The following DIAPH3 variants were observed in gnomAD, a reference collection of about 807,000 sequenced individuals.
The protein encoded by DIAPH3 is protein diaphanous homolog 3.
DIAPH3 carries 117 observed loss-of-function variants against 144.3 expected under a neutral mutation model. The observed-to-expected ratio is 0.81, with a 90% CI of 0.70 to 0.95. The LOEUF is 0.95. Ranked by LOEUF, DIAPH3 falls within the 40% of genes least tolerant of loss-of-function variation. The probability of loss-of-function intolerance (pLI) is 0.00; values close to 1 mark genes in which losing one functional copy is unlikely to be tolerated. For synonymous variants in DIAPH3, 519 were observed against 488.9 expected, an observed-to-expected ratio of 1.06 and a Z score of -0.81; for missense variants, 1,421 against 1,412.7, an observed-to-expected ratio of 1.01 and a Z score of -0.09.
At chr13:60,036,450 T>G (rs1186623575) in intron 5 of DIAPH3, among the ~76,000 whole-genome samples, 1 of 151,866 alleles carries the variant, frequency 6.6e-6, no homozygotes, top group East Asian at 1.9e-4. Context: ...TTTAGTTAAC[T>G]AAATTTAAAT....
rs776548088 is a variant in DIAPH3, at chr13:59,974,334, C to G, written c.1650+18G>C. ...ACTGTGTTTTTAATACCCAAATTCA[C>G]TCAGAGTGGAATTTTACCTGAGACT... On this transcript the variant is annotated intron_variant, in intron 15 of 27. Coordinates refer to ENST00000400324, the MANE Select transcript of DIAPH3 (RefSeq NM_001042517.2). The G allele has an allele frequency of 6.3e-7, 1 of 1,594,886 alleles. No homozygotes were observed. Among genetic ancestry groups the G allele is most frequent in the African/African-American group, 1.3e-5 (1 of 74,420 alleles).
intron 1 of DIAPH3, among the ~76,000 whole-genome samples, chr13:60,134,998 T>C (rs374708868): frequency 5.9e-5 from 9 of 152,028 alleles, no homozygotes. Flanking sequence ...GCAAGATTTA[T>C]GATCTAAAAA....
At chr13:59,956,871 T>G (rs1034548254) in intron 17 of DIAPH3, among the ~76,000 whole-genome samples, 2 of 152,204 alleles carry the variant, frequency 1.3e-5, no homozygotes, top group Non-Finnish European at 2.9e-5. Flanking sequence ...ATGTGAGACA[T>G]GGAGTCAAAG....
rs372642427 is a variant in DIAPH3 at position 59,870,423 on chromosome 13, GTTC to G, written c.2607+8803_2607+8805del. On this transcript the variant is annotated intron_variant, in intron 21 of 27. Transcript: ENST00000400324. Reference sequence around the variant, plus strand: ...CAGGGAGTGTCAGATTTCCAACTTAGTTCTTCTTCTTCAGTATTGTGTTAGCTA... The same window carrying G: ...CAGGGAGTGTCAGATTTCCAACTTAGTTCTTCTTCAGTATTGTGTTAGCTA... 3.2e-3 allele frequency among the ~76,000 whole-genome samples: 487 copies of G among 151,848 alleles called. 3 individuals are homozygous for G. The highest frequency in any genetic ancestry group is 0.011 in the African/African-American group (464 of 41,400).
intron 24 of DIAPH3, among the ~76,000 whole-genome samples, chr13:59,821,431 A>C (rs978461031): frequency 6.6e-6 from 1 of 152,086 alleles, no homozygotes; most frequent in African/African-American, 2.4e-5. Context: ...ATTTGGAAAA[A>C]ATCCTTAAAA....
chr13:59,984,163 G>T (rs1196803562), intron 12 of DIAPH3, among the ~76,000 whole-genome samples: 1 of 151,572 alleles, frequency 6.6e-6, no homozygotes, highest in South Asian at 2.1e-4. Flanking sequence ...AAGTAAATTA[G>T]CTGAAAGTGA....
At chr13:59,708,731 A>G (rs1005646337) in intron 27 of DIAPH3, among the ~76,000 whole-genome samples, 1 of 152,020 alleles carries the variant, frequency 6.6e-6, no homozygotes, top group Admixed American at 6.6e-5. Context: ...TTTAAATACC[A>G]TTTACCTACT....
intron 27 of DIAPH3, among the ~76,000 whole-genome samples, chr13:59,755,015 A>G (rs1317984687): frequency 6.6e-6 from 1 of 152,222 alleles, no homozygotes; most frequent in Non-Finnish European, 1.5e-5. Flanking sequence ...CTATACAGGT[A>G]TAGTAAAGAT....
intron 4 of DIAPH3, among the ~76,000 whole-genome samples, chr13:60,082,519 G>C (rs2057594551): frequency 6.6e-6 from 1 of 150,612 alleles, no homozygotes; most frequent in Non-Finnish European, 1.5e-5. Context: ...CTGACCTTTT[G>C]ACAACAATGC....
At chr13:59,854,162 C>A (rs2043133678) in intron 22 of DIAPH3, among the ~76,000 whole-genome samples, 1 of 151,944 alleles carries the variant, frequency 6.6e-6, no homozygotes, top group African/African-American at 2.4e-5. Context: ...TGGAGTGATG[C>A]ATCTACAAGC....
chr13:60,090,139 T>A (rs1360848367), intron 4 of DIAPH3, among the ~76,000 whole-genome samples: 1 of 152,144 alleles, frequency 6.6e-6, no homozygotes, highest in Admixed American at 6.5e-5. Flanking sequence ...GAAACCTTTC[T>A]CAAAAACCCC....
rs1396863846 is a variant in DIAPH3 at position 59,774,715 on chromosome 13, G to A, written c.3259+13C>T. ...CTCCCTAGAAAGTAACATGAAACAAGTATAGGGTTCACCTTTTGGCATCGG... is the reference window on the plus strand; with the variant it reads ...CTCCCTAGAAAGTAACATGAAACAAATATAGGGTTCACCTTTTGGCATCGG... On this transcript the variant is annotated intron_variant, in intron 26 of 27. Transcript: ENST00000400324. 5.6e-6 allele frequency: 9 copies of A among 1,611,438 alleles called. No individual in the cohort carries two copies. Among genetic ancestry groups the A allele is most frequent in the South Asian group, 1.1e-5 (1 of 91,038 alleles).
chr13:60,064,364 T>C (rs2056880424), intron 4 of DIAPH3, among the ~76,000 whole-genome samples: 1 of 152,240 alleles, frequency 6.6e-6, no homozygotes, highest in Non-Finnish European at 1.5e-5. Flanking sequence ...TTGTTTAGTG[T>C]AGCCACCCTC....
intron 27 of DIAPH3, among the ~76,000 whole-genome samples, chr13:59,745,501 A>T (rs531030516): frequency 6.6e-6 from 1 of 152,344 alleles, no homozygotes; most frequent in African/African-American, 2.4e-5. Flanking sequence ...TAGTGTTTGT[A>T]ATAGAGATAT....
intron 21 of DIAPH3, among the ~76,000 whole-genome samples, chr13:59,870,540 A>G (rs2044195309): frequency 6.6e-6 from 1 of 152,104 alleles, no homozygotes; most frequent in African/African-American, 2.4e-5. Flanking sequence ...CTGGGGCTCT[A>G]TTGAACCCAT....
chr13:59,819,882 T>C (rs1447711066), intron 24 of DIAPH3, among the ~76,000 whole-genome samples: 1 of 151,922 alleles, frequency 6.6e-6, no homozygotes, highest in Non-Finnish European at 1.5e-5. Flanking sequence ...TAAATAGCTG[T>C]GTGACTATGC....
At chr13:59,879,190 T>C (rs2044831962) in intron 21 of DIAPH3, 39 bp downstream of exon 21, 2 of 1,612,736 alleles carry the variant, frequency 1.2e-6, no homozygotes, top group Admixed American at 3.3e-5. Flanking sequence ...TAAGAGCAAG[T>C]GTTCAGGCAA....
At chr13:59,823,554 T>C (rs569134058) in intron 24 of DIAPH3, among the ~76,000 whole-genome samples, 24 of 152,302 alleles carry the variant, frequency 1.6e-4, no homozygotes, top group African/African-American at 5.3e-4. Context: ...GGATAGAAGA[T>C]GCTTCCTATT....
chr13:59,701,619 T>C (rs772741504), intron 27 of DIAPH3, among the ~76,000 whole-genome samples: 44 of 152,240 alleles, frequency 2.9e-4, no homozygotes, highest in Non-Finnish European at 5.4e-4. Context: ...GTTTAGCTCA[T>C]TCAAGACCAT....
Sources: allele counts gnomAD v4.1 joint callset (sites outside exome capture counted in the v4.1 genomes callset), GRCh38; gene constraint gnomAD v4.1.1; transcripts MANE v1.5; gene names NCBI Gene and HGNC (gene_info 2026-07-23, HGNC 2026-07-21).